FARS2: variants seen among roughly 807,000 people sequenced by gnomAD.
The protein encoded by FARS2 is phenylalanyl-tRNA synthetase 2, mitochondrial.
FARS2 carries 40 observed loss-of-function variants against 46.4 expected under a neutral mutation model. The observed-to-expected ratio is 0.86, with a 90% CI of 0.67 to 1.12. FARS2 has a LOEUF of 1.12. Among genes scored for constraint, FARS2 ranks in the 50% most tolerant of loss-of-function variants. The probability of loss-of-function intolerance (pLI) is 0.00; values close to 1 mark genes in which losing one functional copy is unlikely to be tolerated. For missense variants in FARS2, 513 were observed against 567.9 expected (o/e 0.90, Z 0.98); for synonymous variants, 234 against 214.9 (o/e 1.09, Z -0.78).
rs76906889 is a variant in FARS2, at chr6:5,513,340, T to C, written c.905-31840T>C. On this transcript the variant is annotated intron_variant, in intron 4 of 6. Transcript: ENST00000274680. ...ACATTAACTTGAGCAGTGCCTGACA[T>C]GTAGGAGGGACTCAGTCAATGTTTT... is the stretch of plus-strand genomic sequence containing the variant. Among the ~76,000 whole-genome samples the C allele has an allele frequency of 8.6e-3, 1,306 of 152,264 alleles. 15 individuals are homozygous for C. The highest frequency in any genetic ancestry group is 0.029 in the African/African-American group (1,218 of 41,546).
chr6:5,533,969 A>G (rs1290980398), intron 4 of FARS2, among the ~76,000 whole-genome samples: 1 of 152,250 alleles, frequency 6.6e-6, no homozygotes, highest in African/African-American at 2.4e-5. Flanking sequence ...CTTAAGGAAG[A>G]TTTAGAATAG....
intron 4 of FARS2, among the ~76,000 whole-genome samples, chr6:5,474,329 G>C (rs899055843): frequency 1.3e-5 from 2 of 152,114 alleles, no homozygotes; most frequent in Non-Finnish European, 2.9e-5. Context: ...GATGAAGGTG[G>C]GACACAGGGA....
intron 6 of FARS2, among the ~76,000 whole-genome samples, chr6:5,660,559 G>C (rs1179048387): frequency 1.3e-5 from 2 of 151,648 alleles, no homozygotes; most frequent in African/African-American, 4.9e-5. Flanking sequence ...GAGGTGGGGG[G>C]ATCCCCTGAG....
chr6:5,370,615 A>C (rs1410440440), intron 2 of FARS2, among the ~76,000 whole-genome samples: 1 of 152,160 alleles, frequency 6.6e-6, no homozygotes, highest in East Asian at 1.9e-4. Flanking sequence ...TTAAAGAAAT[A>C]AGAAAGGACT....
chr6:5,558,683 C>T (rs1771811859), intron 5 of FARS2, among the ~76,000 whole-genome samples: 1 of 151,930 alleles, frequency 6.6e-6, no homozygotes, highest in Non-Finnish European at 1.5e-5. Flanking sequence ...ACTACAGGCA[C>T]CCGCCACCAC....
chr6:5,721,328 G>A (rs924563884), intron 6 of FARS2, among the ~76,000 whole-genome samples: 1 of 152,130 alleles, frequency 6.6e-6, no homozygotes, highest in African/African-American at 2.4e-5. Flanking sequence ...GTTAGAAAAG[G>A]GAAAAGTGTG....
At chr6:5,482,556 C>A (rs1766530646) in intron 4 of FARS2, among the ~76,000 whole-genome samples, 2 of 152,132 alleles carry the variant, frequency 1.3e-5, no homozygotes, top group Non-Finnish European at 2.9e-5. Context: ...GTATTGAACA[C>A]TCGAATGCCA....
chr6:5,517,017 G>A (rs1211815213), intron 4 of FARS2, among the ~76,000 whole-genome samples: 4 of 152,174 alleles, frequency 2.6e-5, no homozygotes, highest in African/African-American at 9.7e-5. Context: ...AGTTTAGATA[G>A]ATGCATTCAT....
intron 6 of FARS2, among the ~76,000 whole-genome samples, chr6:5,678,409 C>A (rs1174871091): frequency 6.6e-6 from 1 of 152,160 alleles, no homozygotes; most frequent in Non-Finnish European, 1.5e-5. Flanking sequence ...TGAGGAGACG[C>A]TTTGGCCTCC....
At chr6:5,524,123 A>C (rs1769318965) in intron 4 of FARS2, among the ~76,000 whole-genome samples, 1 of 152,130 alleles carries the variant, frequency 6.6e-6, no homozygotes, top group Non-Finnish European at 1.5e-5. Context: ...TGAATGTACC[A>C]CTTGACATTC....
intron 6 of FARS2, among the ~76,000 whole-genome samples, chr6:5,617,389 T>C (rs977804431): frequency 6.6e-6 from 1 of 152,258 alleles, no homozygotes; most frequent in Non-Finnish European, 1.5e-5. Context: ...CAAGGGCATG[T>C]GTCCCTTATT....
chr6:5,436,881 G>A (rs116503727), intron 4 of FARS2, among the ~76,000 whole-genome samples: 3,932 of 152,268 alleles, frequency 0.026, 80 homozygotes, highest in South Asian at 0.068. Context: ...CTATAGCATA[G>A]GTTGAATATT....
chr6:5,577,944 G>A (rs1489090914), intron 5 of FARS2, among the ~76,000 whole-genome samples: 2 of 152,110 alleles, frequency 1.3e-5, no homozygotes, highest in Admixed American at 6.5e-5. Flanking sequence ...TGGGACTACA[G>A]GCACTTGCCA....
intron 1 of FARS2, among the ~76,000 whole-genome samples, chr6:5,283,506 GC>G (rs1561930612): frequency 6.9e-6 from 1 of 145,476 alleles, no homozygotes; most frequent in African/African-American, 2.6e-5. Flanking sequence ...CTGAGATTGC[GC>G]CACTGCACTC....
At chr6:5,437,449 ATTTTCT>A (rs1763587156) in intron 4 of FARS2, among the ~76,000 whole-genome samples, 1 of 152,022 alleles carries the variant, frequency 6.6e-6, no homozygotes, top group Non-Finnish European at 1.5e-5. Flanking sequence ...AAAGAGTAAG[ATTTTCT>A]ACTATGATTA....
rs61097603 is a variant in FARS2, at chr6:5,365,317, C to CTTTTTTTTTTTTTTTTTT, written c.-21-3221_-21-3204dup. ...GACCTTTGATTGAGAAGTATACTTT[C>CTTTTTTTTTTTTTTTTTT]TTTTTTTTTTTTTTTTTTTTTTTTT... On this transcript the variant is annotated intron_variant, in intron 1 of 6. Transcript: ENST00000274680. 2.4e-3 allele frequency among the ~76,000 whole-genome samples: 100 copies of CTTTTTTTTTTTTTTTTTT among 42,496 alleles called. 27 individuals carry two copies. The highest frequency in any genetic ancestry group is 3.5e-3 in the Non-Finnish European group (84 of 23,928). The allele number at this position is 42,496 out of a possible 152,430, so 27.9% of individuals were successfully genotyped here. A position where few individuals can be genotyped will look rare whatever the true frequency, so the allele number is the denominator to read the frequency against.
intron 1 of FARS2, among the ~76,000 whole-genome samples, chr6:5,273,157 C>T (rs926306637): frequency 2.0e-5 from 3 of 152,090 alleles, no homozygotes; most frequent in African/African-American, 7.2e-5. Context: ...TTTGATAATA[C>T]TGATTTCTTT....
chr6:5,344,238 G>A (rs1178119192), intron 1 of FARS2, among the ~76,000 whole-genome samples: 1 of 152,166 alleles, frequency 6.6e-6, no homozygotes, highest in African/African-American at 2.4e-5. Context: ...ACCTGTGGGC[G>A]TATCTGCTTG....
intron 6 of FARS2, among the ~76,000 whole-genome samples, chr6:5,721,547 G>C (rs559766233): frequency 6.6e-6 from 1 of 152,146 alleles, no homozygotes; most frequent in Non-Finnish European, 1.5e-5. Flanking sequence ...GTGTGAAATC[G>C]TGCATCATTC....
Sources: gnomAD v4.1 joint callset for allele counts (sites outside exome capture counted in the v4.1 genomes callset) on GRCh38, gnomAD v4.1.1 for gene constraint, MANE v1.5 for transcripts, NCBI Gene and HGNC (gene_info 2026-07-23, HGNC 2026-07-21) for gene names.